The following SOX5 variants were observed in gnomAD, a reference collection of about 807,000 sequenced individuals.
SOX5 encodes SRY-box transcription factor 5, also known as transcription factor SOX-5.
In SOX5, 9 loss-of-function variants were observed where a neutral mutation model predicts 92.0. The ratio of observed to expected loss-of-function variants is 0.10; its 90% confidence interval spans 0.06 to 0.17. The LOEUF (loss-of-function observed/expected upper bound fraction) is 0.17. Among genes scored for constraint, SOX5 ranks in the 10% least tolerant of loss-of-function variants. The probability of loss-of-function intolerance (pLI) is 1.00; values close to 1 mark genes in which losing one functional copy is unlikely to be tolerated. For missense variants in SOX5, 642 were observed against 944.5 expected (o/e 0.68, Z 4.20); for synonymous variants, 344 against 336.3 (o/e 1.02, Z -0.25).
At position 23,695,994 on chromosome 12, in the gene SOX5, A is replaced by T. The variant is rs184849674; in HGVS notation, c.811-30430T>A. Among the ~76,000 whole-genome samples, 418 of 151,068 alleles carry T rather than the reference A, an allele frequency of 2.8e-3. 4 individuals carry two copies. The highest frequency in any genetic ancestry group is 9.6e-3 in the African/African-American group (398 of 41,256). On this transcript the variant is annotated intron_variant, in intron 6 of 14. Coordinates refer to ENST00000451604, the MANE Select transcript of SOX5 (RefSeq NM_006940.6). ...GAACACAACAAAAAACAAAACAAAA[A>T]AACAAAAAATATGACATATTCATAA... is the stretch of plus-strand genomic sequence containing the variant.
intron 6 of SOX5, among the ~76,000 whole-genome samples, chr12:23,701,681 T>C (rs897887170): frequency 1.3e-5 from 2 of 151,978 alleles, no homozygotes; most frequent in African/African-American, 4.8e-5. Context: ...TAGAGGTGAT[T>C]TTTCAGTGGT....
intron 3 of SOX5, among the ~76,000 whole-genome samples, chr12:23,825,719 A>T (rs902825641): frequency 6.6e-6 from 1 of 152,204 alleles, no homozygotes; most frequent in Non-Finnish European, 1.5e-5. Context: ...AAAACAACAA[A>T]TAGATAATAT....
chr12:23,929,914 A>G (rs927490209), intron 1 of SOX5, among the ~76,000 whole-genome samples: 3 of 152,060 alleles, frequency 2.0e-5, no homozygotes, highest in Non-Finnish European at 4.4e-5. Flanking sequence ...AAATTAAATC[A>G]TTCTTTAGCA....
At chr12:24,447,829 G>A (rs1023086578) in intron 1 of SOX5, among the ~76,000 whole-genome samples, 4 of 152,168 alleles carry the variant, frequency 2.6e-5, no homozygotes, top group Non-Finnish European at 5.9e-5. Context: ...ATTGGAGCAC[G>A]CCCACAACAC....
rs183107531 is a variant in SOX5, at chr12:24,077,091, T to A, written c.-2+136252A>T. ...GATGGAAAAATACATTCTAAATAAT[T>A]CACTTTTGCAGATTTAACAATCAAT... On this transcript the variant is annotated intron_variant, in intron 4 of 4. Coordinates refer to the SOX5 transcript ENST00000446891. Among the ~76,000 whole-genome samples the A allele has an allele frequency of 2.0e-5, 3 of 152,200 alleles. No individual in the cohort carries two copies. In the East Asian group the frequency reaches 5.8e-4, roughly 29 times the overall value.
At chr12:23,676,992 A>T (rs953274835) in intron 6 of SOX5, among the ~76,000 whole-genome samples, 60 of 152,190 alleles carry the variant, frequency 3.9e-4, no homozygotes, top group African/African-American at 1.4e-3. Flanking sequence ...CACTGAAGTG[A>T]TTATTTAAAA....
chr12:23,887,355 A>T (rs568175320), intron 2 of SOX5, among the ~76,000 whole-genome samples: 2 of 152,352 alleles, frequency 1.3e-5, no homozygotes, highest in South Asian at 4.1e-4. Context: ...GAGGAAAAAG[A>T]GAAGCAAAGG....
At chr12:23,690,607 T>A (rs759695913) in intron 6 of SOX5, among the ~76,000 whole-genome samples, 2 of 152,146 alleles carry the variant, frequency 1.3e-5, no homozygotes, top group Non-Finnish European at 2.9e-5. Flanking sequence ...AGCCACCAGG[T>A]GTATCTAAAA....
At chr12:24,002,461 T>C (rs75934330) in intron 4 of SOX5, among the ~76,000 whole-genome samples, 3,632 of 152,072 alleles carry the variant, frequency 0.024, 139 homozygotes, top group African/African-American at 0.084. Flanking sequence ...TTAGACAATT[T>C]AGATGATGAA....
chr12:23,575,942 C>T, intron 9 of SOX5, 104 bp from the exon 10 acceptor site: 1 of 804,844 alleles, frequency 1.2e-6, no homozygotes, highest in East Asian at 2.7e-5. Context: ...AATTACTCTA[C>T]CAATCAGTGA....
intron 1 of SOX5, among the ~76,000 whole-genome samples, chr12:24,379,659 A>G (rs192542856): frequency 3.9e-4 from 59 of 152,234 alleles, no homozygotes; most frequent in African/African-American, 1.3e-3. Flanking sequence ...CACAGAGACA[A>G]GAGAAAGGGA....
At chr12:23,691,606 A>C (rs1391534291) in intron 6 of SOX5, among the ~76,000 whole-genome samples, 1 of 152,130 alleles carries the variant, frequency 6.6e-6, no homozygotes, top group African/African-American at 2.4e-5. Flanking sequence ...AGTTTCTATG[A>C]ATTTAATTTT....
At chr12:24,078,307 G>A (rs897131363) in intron 4 of SOX5, among the ~76,000 whole-genome samples, 1 of 151,934 alleles carries the variant, frequency 6.6e-6, no homozygotes, top group African/African-American at 2.4e-5. Flanking sequence ...CAGTTTGTAC[G>A]AGGAGGAGGA....
At chr12:24,147,087 T>C (rs2138759675) in intron 4 of SOX5, among the ~76,000 whole-genome samples, 1 of 152,306 alleles carries the variant, frequency 6.6e-6, no homozygotes, top group Non-Finnish European at 1.5e-5. Context: ...ACACAAATTC[T>C]TTCACAAAGG....
chr12:23,704,687 CATATATAT>C lies in SOX5; in HGVS notation c.810+29989_810+29996del, dbSNP rs376550773. On this transcript the variant is annotated intron_variant, in intron 6 of 14. Transcript: ENST00000451604. ...TTAGTTCTGGGCATATATATGCATG[CATATATAT>C]ATATATATATATATATATATACACA... Among the ~76,000 whole-genome samples, 266 of 90,128 alleles carry C rather than the reference CATATATAT, an allele frequency of 3.0e-3. 4 individuals are homozygous for C. Among genetic ancestry groups the C allele is most frequent in the African/African-American group, 7.9e-3 (205 of 25,986 alleles). 59.1% of individuals were successfully genotyped at this position (90,128 alleles called of 152,430 possible).
intron 8 of SOX5, among the ~76,000 whole-genome samples, chr12:23,639,991 C>T (rs1361086232): frequency 6.6e-6 from 1 of 152,172 alleles, no homozygotes; most frequent in Non-Finnish European, 1.5e-5. Context: ...CATAGGCATA[C>T]TGTGTCTTTC....
chr12:23,884,640 C>T (rs1254405657), intron 2 of SOX5, among the ~76,000 whole-genome samples: 1 of 152,142 alleles, frequency 6.6e-6, no homozygotes, highest in Non-Finnish European at 1.5e-5. Context: ...AAGATTTTAA[C>T]ATTTATATGA....
At chr12:24,214,541 A>G (rs1022139038) in intron 3 of SOX5, among the ~76,000 whole-genome samples, 12 of 152,130 alleles carry the variant, frequency 7.9e-5, no homozygotes, top group African/African-American at 2.7e-4. Flanking sequence ...AAATGACTAC[A>G]TTATATGACT....
At chr12:23,894,226 A>G (rs2097155846) in intron 2 of SOX5, among the ~76,000 whole-genome samples, 1 of 151,678 alleles carries the variant, frequency 6.6e-6, no homozygotes, top group African/African-American at 2.4e-5. Context: ...AAACATTACT[A>G]TTATTATTAT....
Sources: gnomAD v4.1 joint callset for allele counts (sites outside exome capture counted in the v4.1 genomes callset) on GRCh38, gnomAD v4.1.1 for gene constraint, MANE v1.5 for transcripts, NCBI Gene and HGNC (gene_info 2026-07-23, HGNC 2026-07-21) for gene names.